MYLK4: variants seen among roughly 807,000 people sequenced by gnomAD.
The protein encoded by MYLK4 is caMLCK like.
In MYLK4, 46 loss-of-function variants were observed where a neutral mutation model predicts 48.1. The ratio of observed to expected loss-of-function variants is 0.96; its 90% CI spans 0.75 to 1.22. The LOEUF is 1.22. Ranked by LOEUF, MYLK4 falls within the 50% of genes most tolerant of loss-of-function variation. The pLI is 0.00. For missense variants in MYLK4, 451 were observed against 486.1 expected, an observed-to-expected ratio of 0.93 and a Z score of 0.68; for synonymous variants, 170 against 180.8, an observed-to-expected ratio of 0.94 and a Z score of 0.48.
At chr6:2,741,160 A>G (rs925825557) in intron 2 of MYLK4, among the ~76,000 whole-genome samples, 1 of 152,216 alleles carries the variant, frequency 6.6e-6, no homozygotes, top group Non-Finnish European at 1.5e-5. Context: ...AAATCATGAT[A>G]GTGGTGTGTG....
At chr6:2,764,908 A>G in the MYLK4 span, among the ~76,000 whole-genome samples, 2 of 152,158 alleles carry the variant, frequency 1.3e-5, no homozygotes, top group African/African-American at 4.8e-5. Flanking sequence ...TCTGCTGTTC[A>G]CGTCCAATAG....
intron 2 of MYLK4, among the ~76,000 whole-genome samples, chr6:2,731,224 C>T (rs1763468120): frequency 6.6e-6 from 1 of 151,852 alleles, no homozygotes. Flanking sequence ...AGGAATGAAT[C>T]CTGGAACTGC....
intron 2 of MYLK4, among the ~76,000 whole-genome samples, chr6:2,732,758 G>A (rs1195241610): frequency 6.6e-6 from 1 of 152,036 alleles, no homozygotes; most frequent in Non-Finnish European, 1.5e-5. Flanking sequence ...AATCTAGAGG[G>A]TTTGCAGGAA....
the MYLK4 span, among the ~76,000 whole-genome samples, chr6:2,761,120 G>A: frequency 5.3e-5 from 8 of 152,168 alleles, no homozygotes; most frequent in African/African-American, 1.9e-4. Context: ...CATAGGCACT[G>A]CAGCCAGGCT....
intron 2 of MYLK4, among the ~76,000 whole-genome samples, chr6:2,731,334 GCT>G (rs1763472289): frequency 6.6e-6 from 1 of 152,186 alleles, no homozygotes; most frequent in Admixed American, 6.5e-5. Flanking sequence ...TGGTGTCTCG[GCT>G]CTGGGGCTGG....
Position 2,749,231 on chromosome 6 carries a change from T to C in MYLK4, c.64A>G (p.Met22Val). The change falls in exon 2 of 13, where the codon ATG becomes GTG. Residue 22 changes from methionine (M) to valine (V), a missense_variant. Physicochemically the swap from Met to Val is conservative, Grantham distance 21. Transcript: ENST00000274643. The stretch of plus-strand genomic sequence containing the variant: ...TCTTCCCTGCACTGAAAAAAGGCCA[T>C]TTTCTCCAGCTGGTTGCTGTTATAA... ...TCYNSNQLEKMAFFQCREEVE... is the reference protein window; with the variant it reads ...TCYNSNQLEKVAFFQCREEVE... 1 of 1,614,120 alleles carries C rather than the reference T, an allele frequency of 6.2e-7. No individual in the cohort carries two copies. The highest frequency in any genetic ancestry group is 8.5e-7 in the Non-Finnish European group (1 of 1,179,966).
chr6:2,683,209 A>G (rs1456262512), intron 6 of MYLK4, 47 bp from the exon 7 acceptor site: 1 of 1,607,416 alleles, frequency 6.2e-7, no homozygotes, highest in East Asian at 2.2e-5. Context: ...TTTCCTTACC[A>G]CCATGTGCTT....
intron 2 of MYLK4, among the ~76,000 whole-genome samples, chr6:2,740,399 T>C (rs374747010): frequency 2.6e-5 from 4 of 152,216 alleles, no homozygotes; most frequent in African/African-American, 7.2e-5. Flanking sequence ...TCTTGGGAAC[T>C]GGCATTTATG....
Position 2,693,212 on chromosome 6 carries a change from T to C in MYLK4, c.160-353A>G, listed in dbSNP as rs954438333. Among the ~76,000 whole-genome samples, 10 of 152,334 alleles carry C rather than the reference T, an allele frequency of 6.6e-5. No individual in the cohort carries two copies. The East Asian group carries it at 1.5e-3, about 23-fold the overall frequency. ...ATGAAAGCCTGTATAGACTACAGTATCTGAAATGAGCTCACTATTTTCAAA... is the reference window on the plus strand; with the variant it reads ...ATGAAAGCCTGTATAGACTACAGTACCTGAAATGAGCTCACTATTTTCAAA... On this transcript the variant is annotated intron_variant, in intron 2 of 12. Transcript: ENST00000274643.
rs116220348 is a variant in MYLK4, at chr6:2,738,771, C to T, written c.159+10365G>A. On this transcript the variant is annotated intron_variant, in intron 2 of 12. Coordinates refer to ENST00000274643, the MANE Select transcript of MYLK4 (RefSeq NM_001012418.5). ...TCCTTAGAAAATTCATCACTGATAG[C>T]GCTTGTTTTCAAATAATGTTTCATC... 3.0e-3 allele frequency among the ~76,000 whole-genome samples: 455 copies of T among 152,268 alleles called. 2 individuals carry two copies. Among genetic ancestry groups the T allele is most frequent in the Middle Eastern group, 6.8e-3 (2 of 294 alleles).
At chr6:2,676,595 T>C (rs1407274762) in intron 10 of MYLK4, among the ~76,000 whole-genome samples, 2 of 152,238 alleles carry the variant, frequency 1.3e-5, no homozygotes, top group South Asian at 4.1e-4. Flanking sequence ...GATAGTGGTG[T>C]TTGGCTTTTG....
At chr6:2,717,499 C>G (rs991383636) in intron 2 of MYLK4, among the ~76,000 whole-genome samples, 3 of 152,304 alleles carry the variant, frequency 2.0e-5, no homozygotes, top group Admixed American at 6.5e-5. Flanking sequence ...TTCAGCACCC[C>G]CTAAGTGGGG....
At chr6:2,700,426 G>A (rs1204023270) in intron 2 of MYLK4, among the ~76,000 whole-genome samples, 2 of 152,134 alleles carry the variant, frequency 1.3e-5, no homozygotes, top group Admixed American at 6.5e-5. Flanking sequence ...TTCCTCTGTC[G>A]CCTCCGGTCA....
chr6:2,694,625 G>T (rs1195977788), intron 2 of MYLK4, among the ~76,000 whole-genome samples: 1 of 44,464 alleles, frequency 2.2e-5, no homozygotes, highest in Admixed American at 2.9e-4. Flanking sequence ...TGGTGATGGC[G>T]GTTGTAGTGG....
Position 2,680,256 on chromosome 6 carries a change from C to T in MYLK4, c.723G>A (p.Lys241=). Residue 241 remains lysine (K), a synonymous_variant, in exon 8 of 13, where the codon AAG becomes AAA. Transcript: ENST00000274643. ...ATCCAAAATCAATAATTTTTATTTGCTTAGCATCCCGATTCACACACAGGA... is the reference window on the plus strand; with the variant it reads ...ATCCAAAATCAATAATTTTTATTTGTTTAGCATCCCGATTCACACACAGGA... The part of the protein sequence containing the change: ...ENILCVNRDA[K]QIKIIDFGLA... 1 of 1,614,118 alleles carries T rather than the reference C, an allele frequency of 6.2e-7. No individual in the cohort carries two copies.
At chr6:2,768,932 T>C in the MYLK4 span, 1 of 1,542,342 alleles carries the variant, frequency 6.5e-7, no homozygotes, top group Non-Finnish European at 8.8e-7. Flanking sequence ...TCAAACAATA[T>C]AAAGTGTGTG....
At chr6:2,752,091 C>A (rs1223272091), upstream of MYLK4, among the ~76,000 whole-genome samples, 1 of 152,090 alleles carries the variant, frequency 6.6e-6, no homozygotes. Flanking sequence ...ATCCTCCACC[C>A]GGACCACCAC....
rs1016313696 is a variant in MYLK4, at chr6:2,663,662, A to C, written c.*4263T>G. On this transcript the variant is annotated 3_prime_UTR_variant, in exon 13 of 13. Transcript: ENST00000274643. ...TAAATAAGGTCCATGTTTATTCTTC[A>C]ATATAATACATATACATGATTGTTA... The C allele has an allele frequency of 6.5e-6, 1 of 152,678 alleles. No individual in the cohort carries two copies. Among genetic ancestry groups the C allele is most frequent in the Admixed American group, 6.5e-5 (1 of 15,282 alleles). 9.5% of individuals were successfully genotyped at this position (152,678 alleles called of 1,614,324 possible).
intron 9 of MYLK4, among the ~76,000 whole-genome samples, chr6:2,678,622 C>G (rs931522729): frequency 6.6e-6 from 1 of 151,934 alleles, no homozygotes; most frequent in Non-Finnish European, 1.5e-5. Context: ...CACTTTTCAG[C>G]TTGCAAAGTG....
Sources: allele counts gnomAD v4.1 joint callset (sites outside exome capture counted in the v4.1 genomes callset), GRCh38; gene constraint gnomAD v4.1.1; transcripts MANE v1.5; gene names NCBI Gene and HGNC (gene_info 2026-07-23, HGNC 2026-07-21).